STRN3: variants seen among roughly 807,000 people sequenced by gnomAD.
STRN3 encodes the protein striatin 3.
In STRN3, 29 loss-of-function variants were observed where a neutral mutation model predicts 95.6. That is an observed-to-expected ratio of 0.30 (90% confidence interval 0.23 to 0.41). The LOEUF (loss-of-function observed/expected upper bound fraction) is 0.41, where lower values mean the gene tolerates loss of function less well. STRN3 is among the 10% of genes least tolerant of loss of function. The probability of loss-of-function intolerance (pLI) is 1.00; values close to 1 mark genes in which losing one functional copy is unlikely to be tolerated. For missense variants in STRN3, 890 were observed against 972.1 expected, an observed-to-expected ratio of 0.92 and a Z score of 1.12; for synonymous variants, 331 against 357.6, an observed-to-expected ratio of 0.93 and a Z score of 0.84.
intron 1 of STRN3, among the ~76,000 whole-genome samples, chr14:30,967,334 CAG>C (rs1008843918): frequency 2.0e-5 from 3 of 150,788 alleles, no homozygotes; most frequent in Non-Finnish European, 3.0e-5. Flanking sequence ...GACAGAGAGT[CAG>C]AGAGAGAGAA....
At chr14:31,000,409 A>C (rs1882390777) in intron 1 of STRN3, among the ~76,000 whole-genome samples, 1 of 152,060 alleles carries the variant, frequency 6.6e-6, no homozygotes, top group African/African-American at 2.4e-5. Flanking sequence ...ATAGGAACAA[A>C]GTTCTTTTAT....
intron 12 of STRN3, 132 bp from the exon 13 acceptor site, chr14:30,911,294 ACTTT>A: frequency 1.4e-6 from 1 of 718,748 alleles, no homozygotes; most frequent in Non-Finnish European, 2.0e-6. Flanking sequence ...CCTGACTGGT[ACTTT>A]TTTTTTTTTT....
chr14:30,937,480 G>A (rs1408920689), intron 5 of STRN3, among the ~76,000 whole-genome samples: 1 of 152,024 alleles, frequency 6.6e-6, no homozygotes, highest in Non-Finnish European at 1.5e-5. Context: ...TTATTTAACA[G>A]GTAATAGGGA....
At chr14:30,910,561 G>A (rs1429602036) in intron 13 of STRN3, among the ~76,000 whole-genome samples, 1 of 151,798 alleles carries the variant, frequency 6.6e-6, no homozygotes, top group Non-Finnish European at 1.5e-5. Context: ...GCAAGTCAAA[G>A]GAGGTTTCCT....
intron 1 of STRN3, among the ~76,000 whole-genome samples, chr14:30,996,649 C>A (rs1480314943): frequency 6.6e-6 from 1 of 152,058 alleles, no homozygotes. Flanking sequence ...GGGTGGATCA[C>A]GAGGTCAGGA....
Position 30,906,740 on chromosome 14 carries a change from A to G in STRN3, c.1888+137T>C. 2.0e-6 allele frequency: 2 copies of G among 976,200 alleles called. 1 individual carries two copies. Among genetic ancestry groups the G allele is most frequent in the South Asian group, 4.4e-5 (2 of 45,582 alleles). 60.5% of individuals were successfully genotyped at this position (976,200 alleles called of 1,614,324 possible). A position where few individuals can be genotyped will look rare whatever the true frequency, so the allele number is the denominator to read the frequency against. On this transcript the variant is annotated intron_variant, in intron 14 of 17. Transcript: ENST00000357479. ...AAGCACTTCAAAAAAATGAGTAAAA[A>G]GTTTATCCTAACTTTTACAAAATTC...
At position 30,946,794 on chromosome 14, in the gene STRN3, G is replaced by A. The variant is rs561751362; in HGVS notation, c.716+296C>T. Among the ~76,000 whole-genome samples, 44 of 152,058 alleles carry A rather than the reference G, an allele frequency of 2.9e-4. No homozygotes were observed. The South Asian group carries it at 7.5e-3, about 26-fold the overall frequency. On this transcript the variant is annotated intron_variant, in intron 5 of 17. Transcript: ENST00000357479. ...GGAGTTCGCAACCAGCCTGGCCAAC[G>A]TGGTGAAACCCCGTGTCTACTAAAA...
chr14:31,022,578 T>C (rs537092464), intron 1 of STRN3, among the ~76,000 whole-genome samples: 1 of 151,610 alleles, frequency 6.6e-6, no homozygotes, highest in Non-Finnish European at 1.5e-5. Flanking sequence ...AGGCGCTCAA[T>C]AAAACTTTAT....
intron 1 of STRN3, 56 bp downstream of exon 1, chr14:31,025,848 C>T: frequency 1.3e-6 from 2 of 1,559,730 alleles, no homozygotes; most frequent in Non-Finnish European, 8.6e-7. Flanking sequence ...CCAGCCCCAC[C>T]CCCCGGCCGG....
chr14:30,901,393 A>T (rs1896311675), intron 16 of STRN3, among the ~76,000 whole-genome samples: 1 of 152,182 alleles, frequency 6.6e-6, no homozygotes, highest in Non-Finnish European at 1.5e-5. Context: ...GTTAAAAAGA[A>T]TCTGTCCATG....
Position 30,895,284 on chromosome 14 carries a change from G to T in STRN3, c.*127C>A. 1.1e-6 allele frequency: 1 copy of T among 902,594 alleles called. No homozygotes were observed. The highest frequency in any genetic ancestry group is 1.6e-6 in the Non-Finnish European group (1 of 624,292). The allele number at this position is 902,594 out of a possible 1,614,324, so 55.9% of individuals were successfully genotyped here. A position where few individuals can be genotyped will look rare whatever the true frequency, so the allele number is the denominator to read the frequency against. ...TAAGATGTGATTTCCACCAATTTGT[G>T]CCTGCCCCAGATAGCCTTCACCAGG... is the stretch of plus-strand genomic sequence containing the variant. On this transcript the variant is annotated 3_prime_UTR_variant, in exon 18 of 18. Coordinates refer to ENST00000357479, the MANE Select transcript of STRN3 (RefSeq NM_001083893.2).
intron 1 of STRN3, among the ~76,000 whole-genome samples, chr14:30,989,594 G>A (rs1000549511): frequency 6.6e-6 from 1 of 152,062 alleles, no homozygotes; most frequent in Non-Finnish European, 1.5e-5. Context: ...CCGAGTAGCT[G>A]GGACTACAGG....
chr14:31,003,718 T>C (rs1465902422), intron 1 of STRN3, among the ~76,000 whole-genome samples: 5 of 149,574 alleles, frequency 3.3e-5, no homozygotes, highest in African/African-American at 1.2e-4. Flanking sequence ...CCTTTTTTCT[T>C]TGTAAGTCAC....
At chr14:30,895,613 T>C in intron 17 of STRN3, 33 bp from the exon 18 acceptor site, 1 of 1,610,452 alleles carries the variant, frequency 6.2e-7, no homozygotes, top group South Asian at 1.1e-5. Flanking sequence ...TGTTACTGAG[T>C]AACAATCTTT....
At chr14:30,984,292 A>C (rs71407676) in intron 1 of STRN3, among the ~76,000 whole-genome samples, 80,792 of 127,400 alleles carry the variant, frequency 0.63, 26,314 homozygotes, top group Non-Finnish European at 0.72. Context: ...AAAAAAAAAA[A>C]CAGAAAAGAA....
At chr14:31,014,063 C>G (rs1340573871) in intron 1 of STRN3, among the ~76,000 whole-genome samples, 2 of 151,714 alleles carry the variant, frequency 1.3e-5, no homozygotes, top group Non-Finnish European at 2.9e-5. Flanking sequence ...ACCATTGTGT[C>G]CAGCTAATTT....
intron 1 of STRN3, among the ~76,000 whole-genome samples, chr14:31,001,695 G>A (rs1421840396): frequency 6.6e-6 from 1 of 152,188 alleles, no homozygotes; most frequent in Non-Finnish European, 1.5e-5. Context: ...TATGTTCACA[G>A]CAACACTATT....
At chr14:30,966,999 G>A (rs1284205462) in intron 1 of STRN3, among the ~76,000 whole-genome samples, 2 of 151,890 alleles carry the variant, frequency 1.3e-5, no homozygotes, top group Non-Finnish European at 2.9e-5. Context: ...GAGGGATTGA[G>A]CCTTCCGGGA....
chr14:30,950,472 G>GC (rs139029648), intron 4 of STRN3, among the ~76,000 whole-genome samples: 271 of 152,242 alleles, frequency 1.8e-3, no homozygotes, highest in Non-Finnish European at 2.8e-3. Flanking sequence ...CAACTGAAAG[G>GC]AAGATTTGGC....
Sources: gnomAD v4.1 joint callset for allele counts (sites outside exome capture counted in the v4.1 genomes callset) on GRCh38, gnomAD v4.1.1 for gene constraint, MANE v1.5 for transcripts, NCBI Gene and HGNC (gene_info 2026-07-23, HGNC 2026-07-21) for gene names.